LSM4: variants seen among roughly 807,000 people sequenced by gnomAD.
The protein encoded by LSM4 is LSM4 homolog, U6 small nuclear RNA and mRNA degradation associated, also known as U6 snRNA-associated Sm-like protein LSm4.
Under a neutral mutation model 22.3 loss-of-function variants are expected in LSM4, and 15 were observed. That is an observed-to-expected ratio of 0.67 (90% confidence interval 0.45 to 1.03). LSM4 has a LOEUF of 1.03. Ranked by LOEUF, LSM4 falls within the 50% of genes least tolerant of loss-of-function variation. LSM4 has a pLI of 0.00. For synonymous variants in LSM4, 90 were observed against 79.8 expected (o/e 1.13, Z -0.68); for missense variants, 127 against 198.0 (o/e 0.64, Z 2.15).
rs928699405 is a variant in LSM4, at chr19:18,307,293, T to C, written c.*171A>G. 26 of 472,644 alleles carry C rather than the reference T, an allele frequency of 5.5e-5. No individual in the cohort carries two copies. The highest frequency in any genetic ancestry group is 1.3e-4 in the Admixed American group (3 of 23,196). 29.3% of individuals were successfully genotyped at this position (472,644 alleles called of 1,614,324 possible). On this transcript the variant is annotated 3_prime_UTR_variant, in exon 5 of 5. Transcript: ENST00000593829. ...CCAAGTAACATTTCTAACCGGAGAATTGCCGGTTTTAGCAAGAAAAAGGGG... is the reference window on the plus strand; with the variant it reads ...CCAAGTAACATTTCTAACCGGAGAACTGCCGGTTTTAGCAAGAAAAAGGGG...
chr19:18,307,041 GC>G lies in LSM4; in HGVS notation c.*422del, dbSNP rs1970233433. 6.0e-6 allele frequency: 1 copy of G among 166,428 alleles called. No individual in the cohort carries two copies. The highest frequency in any genetic ancestry group is 2.4e-5 in the African/African-American group (1 of 42,086). The allele number at this position is 166,428 out of a possible 1,614,324, so 10.3% of individuals were successfully genotyped here. A position where few individuals can be genotyped will look rare whatever the true frequency, so the allele number is the denominator to read the frequency against. On this transcript the variant is annotated 3_prime_UTR_variant, in exon 5 of 5. Coordinates refer to ENST00000593829, the MANE Select transcript of LSM4 (RefSeq NM_012321.5). ...GGTTTGTTTTGAAGGCAATTTTGGG[GC>G]CGCGCCCAAGGAAACCCTGCAGGCT...
intron 2 of LSM4, 76 bp downstream of exon 2, chr19:18,315,948 C>A: frequency 7.1e-7 from 1 of 1,406,470 alleles, no homozygotes; most frequent in Non-Finnish European, 1.0e-6. Flanking sequence ...GCCAGGAAGC[C>A]GTCTGCTCAG....
chr19:18,318,579 C>T (rs1970386289), intron 1 of LSM4, among the ~76,000 whole-genome samples: 2 of 152,236 alleles, frequency 1.3e-5, no homozygotes, highest in Admixed American at 6.5e-5. Flanking sequence ...GTGAAGAAGC[C>T]GTGGGTTTTC....
intron 1 of LSM4, 126 bp downstream of exon 1, chr19:18,322,892 G>T: frequency 7.4e-7 from 1 of 1,354,754 alleles, no homozygotes; most frequent in Non-Finnish European, 1.0e-6. Context: ...GTGCCGGGGG[G>T]CGGGACTCGA....
chr19:18,313,791 T>C (rs1374876809), intron 2 of LSM4, among the ~76,000 whole-genome samples: 1 of 152,154 alleles, frequency 6.6e-6, no homozygotes. Context: ...GCTGGGATTA[T>C]AGGCATTAGC....
rs765738686 is a variant in LSM4 at position 18,309,688 on chromosome 19, G to A, written c.318C>T (p.Gly106=). The change falls in exon 4 of 5, where the codon GGC becomes GGT. Residue 106 remains glycine (G), a synonymous_variant. Coordinates refer to ENST00000593829, the MANE Select transcript of LSM4 (RefSeq NM_012321.5). ...AGAGGGGAGACCCACCTCGGCCAGC[G>A]CCGCCCATGCCGCGGCCTTTCTGCT... ...QKQQKGRGMG[G]AGRGVFGGRG... is the part of the protein sequence containing the mutation. 3.5e-5 allele frequency: 56 copies of A among 1,604,576 alleles called. No individual in the cohort carries two copies. Among genetic ancestry groups the A allele is most frequent in the East Asian group, 6.7e-5 (3 of 44,696 alleles).
At chr19:18,314,871 G>T (rs1002611680) in intron 2 of LSM4, among the ~76,000 whole-genome samples, 8 of 149,626 alleles carry the variant, frequency 5.3e-5, no homozygotes. Flanking sequence ...TTTAACTGAA[G>T]TGTTAGTATG....
At chr19:18,318,009 G>A (rs1448829411) in intron 1 of LSM4, among the ~76,000 whole-genome samples, 2 of 152,138 alleles carry the variant, frequency 1.3e-5, no homozygotes, top group Non-Finnish European at 2.9e-5. Flanking sequence ...TAACATGCCC[G>A]TTCTAGTACT....
chr19:18,308,845 C>T (rs1017510343), intron 4 of LSM4, among the ~76,000 whole-genome samples: 1 of 152,212 alleles, frequency 6.6e-6, no homozygotes, highest in Non-Finnish European at 1.5e-5. Flanking sequence ...CTAGGGTGCA[C>T]AGCCTGGTGG....
At chr19:18,315,208 A>G (rs1282212046) in intron 2 of LSM4, among the ~76,000 whole-genome samples, 2 of 151,990 alleles carry the variant, frequency 1.3e-5, no homozygotes, top group East Asian at 3.9e-4. Context: ...ACAGGGTTTC[A>G]CTGTCACCCA....
At position 18,307,255 on chromosome 19, in the gene LSM4, A is replaced by T; in HGVS notation, c.*209T>A. On this transcript the variant is annotated 3_prime_UTR_variant, in exon 5 of 5. Transcript: ENST00000593829. ...CCAGTTTTGGGACGGCCGTTTCACA[A>T]AACCAAAAAACACCAAGTAACATTT... 1 of 437,386 alleles carries T rather than the reference A, an allele frequency of 2.3e-6. No homozygotes were observed. The highest frequency in any genetic ancestry group is 4.0e-6 in the Non-Finnish European group (1 of 249,778). 27.1% of individuals were successfully genotyped at this position (437,386 alleles called of 1,614,324 possible).
chr19:18,307,585 G>A, intron 4 of LSM4, 30 bp from the exon 5 acceptor site: 1 of 1,448,170 alleles, frequency 6.9e-7, no homozygotes, highest in South Asian at 1.4e-5. Flanking sequence ...CGCTGCAGCA[G>A]AGCCAGGTGG....
rs1310192233 is a variant in LSM4, at chr19:18,309,838, C to T, written c.168G>A (p.Met56Ile). 6.2e-7 allele frequency: 1 copy of T among 1,613,650 alleles called. No individual in the cohort carries two copies. The change falls in exon 4 of 5, where the codon ATG (methionine) becomes ATA (isoleucine). Residue 56 changes from methionine (M) to isoleucine (I), a missense_variant. Physicochemically the swap from Met to Ile is conservative, Grantham distance 10. Coordinates refer to ENST00000593829, the MANE Select transcript of LSM4 (RefSeq NM_012321.5). ...TSRDGDKFWRMPECYIRGSTI... is the reference protein window; with the variant it reads ...TSRDGDKFWRIPECYIRGSTI... ...TGCTGCCGCGGATGTAGCACTCGGGCATCCGCCAGAACTTGTCCCCGTCCT... is the reference window on the plus strand; with the variant it reads ...TGCTGCCGCGGATGTAGCACTCGGGTATCCGCCAGAACTTGTCCCCGTCCT...
At chr19:18,322,983 C>T (rs760750311) in intron 1 of LSM4, 35 bp downstream of exon 1, 1 of 1,591,962 alleles carries the variant, frequency 6.3e-7, no homozygotes, top group Admixed American at 1.7e-5. Flanking sequence ...CTGTTCCCGC[C>T]TCCCGGTGAG....
At chr19:18,322,881 C>T in intron 1 of LSM4, 137 bp downstream of exon 1, 1 of 1,305,468 alleles carries the variant, frequency 7.7e-7, no homozygotes, top group Non-Finnish European at 1.1e-6. Flanking sequence ...TTCCCAGCCT[C>T]GTGCCGGGGG....
chr19:18,319,360 G>A (rs957367576), intron 1 of LSM4, among the ~76,000 whole-genome samples: 5 of 151,452 alleles, frequency 3.3e-5, no homozygotes, highest in African/African-American at 4.9e-5. Flanking sequence ...TCAGGAGTTC[G>A]AGACCAGCCT....
At chr19:18,314,595 G>A (rs532300611) in intron 2 of LSM4, among the ~76,000 whole-genome samples, 2 of 152,222 alleles carry the variant, frequency 1.3e-5, no homozygotes, top group Middle Eastern at 3.4e-3. Flanking sequence ...ACAGGCCACA[G>A]GGTGGATGAA....
chr19:18,313,562 G>T (rs1970320982), intron 2 of LSM4, among the ~76,000 whole-genome samples: 1 of 152,208 alleles, frequency 6.6e-6, no homozygotes, highest in South Asian at 2.1e-4. Flanking sequence ...CTGTTGCCCA[G>T]GCTGGAGTGC....
At position 18,315,864 on chromosome 19, in the gene LSM4, A is replaced by G. The variant is rs932945814; in HGVS notation, c.45+160T>C. 2.0e-5 allele frequency among the ~76,000 whole-genome samples: 3 copies of G among 152,050 alleles called. No individual in the cohort carries two copies. In the South Asian group the frequency reaches 6.2e-4, roughly 31 times the overall value. ...GTATGTATGTATTACTCTTACAAGC[A>G]GCAGAAATGACAGGAGTGTGGACAC... is the stretch of plus-strand genomic sequence containing the variant. On this transcript the variant is annotated intron_variant, in intron 2 of 4. Transcript: ENST00000593829.
Sources: allele counts gnomAD v4.1 joint callset (sites outside exome capture counted in the v4.1 genomes callset), GRCh38; gene constraint gnomAD v4.1.1; transcripts MANE v1.5; gene names NCBI Gene and HGNC (gene_info 2026-07-23, HGNC 2026-07-21).